Variants in DCC observed in about 807,000 individuals in gnomAD.
The protein encoded by DCC is DCC netrin 1 receptor.
A neutral mutation model predicts 172.5 loss-of-function variants in DCC; 58 were observed. The observed-to-expected ratio is 0.34, with a 90% CI of 0.27 to 0.42. The LOEUF (loss-of-function observed/expected upper bound fraction) is 0.42. Ranked by LOEUF, DCC falls within the 10% of genes least tolerant of loss-of-function variation. The pLI is 1.00. For synonymous variants in DCC, 709 were observed against 644.5 expected, an observed-to-expected ratio of 1.10 and a Z score of -1.52; for missense variants, 1,740 against 1,791.0, an observed-to-expected ratio of 0.97 and a Z score of 0.51.
At chr18:53,039,778 G>T (rs1384951458) in intron 5 of DCC, among the ~76,000 whole-genome samples, 1 of 151,922 alleles carries the variant, frequency 6.6e-6, no homozygotes, top group African/African-American at 2.4e-5. Context: ...AAACTGTCAA[G>T]TTCTATGGAT....
intron 5 of DCC, among the ~76,000 whole-genome samples, chr18:53,024,383 TA>T (rs1199918175): frequency 3.3e-5 from 5 of 152,270 alleles, no homozygotes; most frequent in African/African-American, 9.6e-5. Flanking sequence ...TTGCAATCTC[TA>T]AAATTTCACA....
At chr18:53,229,949 A>G (rs6508212) in intron 12 of DCC, among the ~76,000 whole-genome samples, 134,557 of 152,144 alleles carry the variant, frequency 0.88, 59,635 homozygotes, top group Middle Eastern at 0.93. Flanking sequence ...TGGAAAAATA[A>G]CAATAGACTA....
chr18:52,564,416 G>A (rs960436048), intron 1 of DCC, among the ~76,000 whole-genome samples: 4 of 152,078 alleles, frequency 2.6e-5, no homozygotes, highest in Non-Finnish European at 5.9e-5. Flanking sequence ...TGCACTAATA[G>A]TCATCGTGTT....
intron 25 of DCC, among the ~76,000 whole-genome samples, chr18:53,482,959 A>G (rs2045853303): frequency 6.6e-6 from 1 of 151,986 alleles, no homozygotes; most frequent in Non-Finnish European, 1.5e-5. Flanking sequence ...CCAGGAGAGT[A>G]AATCATATAT....
chr18:52,950,898 C>G (rs1801496250), intron 5 of DCC, among the ~76,000 whole-genome samples: 1 of 124,962 alleles, frequency 8.0e-6, no homozygotes, highest in South Asian at 2.7e-4. Flanking sequence ...CCACTGCACT[C>G]TAGCCTGGGC....
intron 1 of DCC, among the ~76,000 whole-genome samples, chr18:52,579,856 G>T (rs1185507580): frequency 6.6e-6 from 1 of 152,154 alleles, no homozygotes; most frequent in Non-Finnish European, 1.5e-5. Context: ...CATTTGAAGA[G>T]AAATTATGTC....
intron 26 of DCC, among the ~76,000 whole-genome samples, chr18:53,493,507 G>A (rs1381197275): frequency 6.6e-6 from 1 of 151,820 alleles, no homozygotes; most frequent in Non-Finnish European, 1.5e-5. Flanking sequence ...TTCCATGTAT[G>A]TGTCCAGGAA....
At chr18:53,348,254 A>G (rs1050881342) in intron 15 of DCC, among the ~76,000 whole-genome samples, 1 of 152,154 alleles carries the variant, frequency 6.6e-6, no homozygotes, top group African/African-American at 2.4e-5. Context: ...GGCCAAAACA[A>G]AGGGCTATAG....
At chr18:53,213,647 CAAAAAA>C (rs34284373) in intron 11 of DCC, among the ~76,000 whole-genome samples, 4 of 35,378 alleles carry the variant, frequency 1.1e-4, no homozygotes, top group Middle Eastern at 0.023. Flanking sequence ...GACTCCGTCT[CAAAAAA>C]AAAAAAAAAA....
intron 7 of DCC, among the ~76,000 whole-genome samples, chr18:53,125,173 C>T (rs1321519772): frequency 1.3e-5 from 2 of 152,022 alleles, no homozygotes; most frequent in Non-Finnish European, 2.9e-5. Context: ...AGATCTGGCA[C>T]ATAATAATTT....
intron 3 of DCC, among the ~76,000 whole-genome samples, chr18:52,917,067 G>T (rs532273389): frequency 7.5e-6 from 1 of 133,874 alleles, no homozygotes; most frequent in South Asian, 2.3e-4. Flanking sequence ...CAGATTGCTT[G>T]AGCTCAAGAG....
chr18:53,175,577 AT>A (rs1164157146), intron 8 of DCC, among the ~76,000 whole-genome samples: 1 of 149,444 alleles, frequency 6.7e-6, no homozygotes, highest in Non-Finnish European at 1.5e-5. Context: ...CCCATTCACA[AT>A]TGCTTCAAAG....
intron 1 of DCC, among the ~76,000 whole-genome samples, chr18:52,588,020 G>C (rs1475871810): frequency 2.0e-5 from 3 of 152,158 alleles, no homozygotes; most frequent in African/African-American, 7.2e-5. Context: ...CCCACTTTAT[G>C]GCTAGATGGG....
chr18:52,950,962 A>G (rs9989514), intron 5 of DCC, among the ~76,000 whole-genome samples: 4,626 of 138,882 alleles, frequency 0.033, 227 homozygotes, highest in African/African-American at 0.068. Context: ...AAAAAAAAAA[A>G]AAAAAAAAAG....
Position 52,340,780 on chromosome 18 carries a change from G to T in DCC, c.-8G>T, listed in dbSNP as rs564701541. On this transcript the variant is annotated 5_prime_UTR_variant, in exon 1 of 29. Transcript: ENST00000442544. ...GCGACCCCTGGCCCCGAAGGTGTTG[G>T]CTGAAATATGGAGAATAGTCTTAGA... 8.1e-6 allele frequency: 13 copies of T among 1,613,082 alleles called. No individual in the cohort carries two copies. The South Asian group carries it at 1.3e-4, about 16-fold the overall frequency.
chr18:52,446,076 G>A (rs1362744953), intron 1 of DCC, among the ~76,000 whole-genome samples: 2 of 152,130 alleles, frequency 1.3e-5, no homozygotes, highest in African/African-American at 2.4e-5. Flanking sequence ...GGGACTACAG[G>A]CGCCCGCCAC....
At chr18:52,993,356 G>A (rs1467231662) in intron 5 of DCC, among the ~76,000 whole-genome samples, 10 of 152,126 alleles carry the variant, frequency 6.6e-5, no homozygotes, top group African/African-American at 1.7e-4. Flanking sequence ...TGTGCTTGGC[G>A]GTGGAAGAAA....
At chr18:52,450,482 C>T (rs967273787) in intron 1 of DCC, among the ~76,000 whole-genome samples, 19 of 152,156 alleles carry the variant, frequency 1.2e-4, no homozygotes. Flanking sequence ...TTCTCAATAT[C>T]ATTTTTATTC....
intron 7 of DCC, among the ~76,000 whole-genome samples, chr18:53,132,392 G>A (rs186443828): frequency 1.5e-4 from 23 of 152,128 alleles, no homozygotes; most frequent in Admixed American, 3.9e-4. Context: ...AGCACACTGC[G>A]GAAGCTATCA....
Sources: allele counts gnomAD v4.1 joint callset (sites outside exome capture counted in the v4.1 genomes callset), GRCh38; gene constraint gnomAD v4.1.1; transcripts MANE v1.5; gene names NCBI Gene and HGNC (gene_info 2026-07-23, HGNC 2026-07-21).